Variants in KIAA1217 observed in about 807,000 individuals in gnomAD.
The protein encoded by KIAA1217 is sickle tail protein homolog.
In KIAA1217, 88 loss-of-function variants were observed where a neutral mutation model predicts 163.9. The ratio of observed to expected loss-of-function variants is 0.54; its 90% CI spans 0.45 to 0.64. The LOEUF (loss-of-function observed/expected upper bound fraction) is 0.64, where lower values mean the gene tolerates loss of function less well. Ranked by LOEUF, KIAA1217 falls within the 30% of genes least tolerant of loss-of-function variation. The pLI, the probability that KIAA1217 is intolerant of heterozygous loss-of-function variation, is 0.00. For synonymous variants in KIAA1217, 903 were observed against 923.1 expected, an observed-to-expected ratio of 0.98 and a Z score of 0.39; for missense variants, 2,372 against 2,475.0, an observed-to-expected ratio of 0.96 and a Z score of 0.88.
intron 2 of KIAA1217, among the ~76,000 whole-genome samples, chr10:24,132,087 C>G (rs1443840438): frequency 6.6e-6 from 1 of 152,146 alleles, no homozygotes; most frequent in African/African-American, 2.4e-5. Flanking sequence ...TGAGGGCCCC[C>G]ACCTTCTCTG....
chr10:24,304,381 G>T (rs1483073392), intron 2 of KIAA1217, among the ~76,000 whole-genome samples: 1 of 151,582 alleles, frequency 6.6e-6, no homozygotes, highest in Non-Finnish European at 1.5e-5. Context: ...AAATAATGAG[G>T]CAGTGTCTCA....
At chr10:24,283,944 CTG>C (rs2078261752) in intron 2 of KIAA1217, among the ~76,000 whole-genome samples, 1 of 151,116 alleles carries the variant, frequency 6.6e-6, no homozygotes, top group Admixed American at 6.6e-5. Context: ...GAGTCTCACT[CTG>C]TCACCCAGGC....
intron 2 of KIAA1217, among the ~76,000 whole-genome samples, chr10:24,066,189 T>C (rs1445828630): frequency 6.6e-6 from 1 of 152,332 alleles, no homozygotes; most frequent in South Asian, 2.1e-4. Context: ...GTCATTATGA[T>C]GTTAGCTGGT....
intron 2 of KIAA1217, among the ~76,000 whole-genome samples, chr10:24,019,980 A>G (rs1330143797): frequency 6.6e-6 from 1 of 152,086 alleles, no homozygotes; most frequent in Admixed American, 6.6e-5. Flanking sequence ...ATCAAGATAC[A>G]TTACTGTGAA....
chr10:23,821,810 C>T (rs374137135), intron 1 of KIAA1217, among the ~76,000 whole-genome samples: 2 of 152,208 alleles, frequency 1.3e-5, no homozygotes, highest in Admixed American at 1.3e-4. Context: ...TTAAGAGTCT[C>T]ATGGTGTTCT....
At chr10:23,900,318 T>C (rs1841903621) in intron 1 of KIAA1217, among the ~76,000 whole-genome samples, 1 of 152,050 alleles carries the variant, frequency 6.6e-6, no homozygotes, top group African/African-American at 2.4e-5. Context: ...TTCCTTTCTT[T>C]CTGATTACTA....
At chr10:24,344,854 A>G (rs560068380) in intron 2 of KIAA1217, among the ~76,000 whole-genome samples, 81 of 152,318 alleles carry the variant, frequency 5.3e-4, no homozygotes, top group Middle Eastern at 3.4e-3. Flanking sequence ...ATTAAAACAG[A>G]CTGTGGATTC....
At chr10:23,752,722 G>T (rs931223166) in intron 1 of KIAA1217, among the ~76,000 whole-genome samples, 1 of 152,110 alleles carries the variant, frequency 6.6e-6, no homozygotes, top group East Asian at 1.9e-4. Context: ...TGTTACTAAT[G>T]AATGTAAGCA....
chr10:23,812,285 C>T lies in KIAA1217; in HGVS notation c.-321+117051C>T, dbSNP rs183491206. ...TTCCATGCTTTTGCTAGTGTTATGA[C>T]AGAATATATGTATAATCTATAATTA... On this transcript the variant is annotated intron_variant, in intron 1 of 18. Transcript: ENST00000376462. Among the ~76,000 whole-genome samples, 9 of 152,198 alleles carry T rather than the reference C, an allele frequency of 5.9e-5. No homozygotes were observed. The South Asian group carries it at 1.7e-3, about 28-fold the overall frequency.
chr10:23,712,379 C>A (rs1395985908), intron 1 of KIAA1217, among the ~76,000 whole-genome samples: 1 of 151,812 alleles, frequency 6.6e-6, no homozygotes, highest in East Asian at 2.0e-4. Context: ...CAGCAGCAAG[C>A]CAAGATGTTC....
At position 23,993,622 on chromosome 10, in the gene KIAA1217, C is replaced by A. The variant is rs561531172; in HGVS notation, c.-320-13603C>A. ...CTAGACTGGAGTGCAGTGGCATGAT[C>A]TCAGCTCACTGCAACCTTCGCCTCC... On this transcript the variant is annotated intron_variant, in intron 1 of 18. Coordinates refer to the KIAA1217 transcript ENST00000376462. 3.1e-5 allele frequency among the ~76,000 whole-genome samples: 4 copies of A among 130,910 alleles called. No individual in the cohort carries two copies. In the East Asian group the frequency reaches 9.1e-4, roughly 30 times the overall value. The allele number at this position is 130,910 out of a possible 152,430, so 85.9% of individuals were successfully genotyped here.
At chr10:23,925,498 T>G (rs960445099) in intron 1 of KIAA1217, among the ~76,000 whole-genome samples, 1 of 152,252 alleles carries the variant, frequency 6.6e-6, no homozygotes, top group African/African-American at 2.4e-5. Context: ...CTCTTTTGAC[T>G]GTCGCTGGAC....
chr10:24,324,784 C>A (rs971144536), intron 2 of KIAA1217, among the ~76,000 whole-genome samples: 1 of 152,074 alleles, frequency 6.6e-6, no homozygotes, highest in African/African-American at 2.4e-5. Flanking sequence ...TAATACTTGT[C>A]TGTGGGCTGG....
intron 1 of KIAA1217, among the ~76,000 whole-genome samples, chr10:23,934,842 C>T (rs1212730002): frequency 1.3e-5 from 2 of 151,436 alleles, no homozygotes; most frequent in Non-Finnish European, 2.9e-5. Context: ...TGGTCTCGAT[C>T]TCCTGACCTC....
intron 2 of KIAA1217, among the ~76,000 whole-genome samples, chr10:24,168,728 G>T (rs1012766221): frequency 5.3e-5 from 8 of 152,214 alleles, no homozygotes; most frequent in African/African-American, 1.7e-4. Context: ...GCCAGCCTCG[G>T]TTCTCTCCGG....
intron 2 of KIAA1217, among the ~76,000 whole-genome samples, chr10:24,054,154 G>A (rs1849716514): frequency 6.6e-6 from 1 of 152,190 alleles, no homozygotes; most frequent in Non-Finnish European, 1.5e-5. Flanking sequence ...TTAAGGCAAA[G>A]TGATGGAGAG....
At chr10:24,241,310 C>G (rs2073066371) in intron 2 of KIAA1217, among the ~76,000 whole-genome samples, 1 of 152,150 alleles carries the variant, frequency 6.6e-6, no homozygotes, top group Admixed American at 6.5e-5. Context: ...CCAGCAGCAG[C>G]AATGATTCTG....
intron 2 of KIAA1217, among the ~76,000 whole-genome samples, chr10:24,162,618 G>A (rs1323199685): frequency 2.0e-5 from 3 of 152,192 alleles, no homozygotes; most frequent in African/African-American, 7.2e-5. Context: ...TTAGTTATCT[G>A]TTCTGCACAA....
chr10:24,443,698 G>A (rs530666936), intron 5 of KIAA1217, among the ~76,000 whole-genome samples: 3 of 152,148 alleles, frequency 2.0e-5, no homozygotes, highest in South Asian at 2.1e-4. Flanking sequence ...AACTATTTGG[G>A]AAATTTGAAC....
Sources: allele counts gnomAD v4.1 joint callset (sites outside exome capture counted in the v4.1 genomes callset), GRCh38; gene constraint gnomAD v4.1.1; transcripts MANE v1.5; gene names NCBI Gene and HGNC (gene_info 2026-07-23, HGNC 2026-07-21).